Variants in ERBB4 observed in about 807,000 individuals in gnomAD.
ERBB4 encodes the protein receptor tyrosine-protein kinase erbB-4.
In ERBB4, 42 loss-of-function variants were observed where a neutral mutation model predicts 158.0. The ratio of observed to expected loss-of-function variants is 0.27; its 90% confidence interval spans 0.21 to 0.34. The LOEUF is 0.34. ERBB4 is among the 10% of genes least tolerant of loss of function. The probability of loss-of-function intolerance (pLI) is 1.00; values close to 1 mark genes in which losing one functional copy is unlikely to be tolerated. For synonymous variants in ERBB4, 583 were observed against 558.7 expected, an observed-to-expected ratio of 1.04 and a Z score of -0.61; for missense variants, 1,333 against 1,624.1, an observed-to-expected ratio of 0.82 and a Z score of 3.08.
At chr2:212,252,538 C>A (rs2084577558) in intron 1 of ERBB4, among the ~76,000 whole-genome samples, 1 of 151,916 alleles carries the variant, frequency 6.6e-6, no homozygotes, top group Non-Finnish European at 1.5e-5. Flanking sequence ...GGAGTGATTT[C>A]AAGAAAAGAT....
intron 20 of ERBB4, among the ~76,000 whole-genome samples, chr2:211,528,541 T>C (rs972762432): frequency 1.3e-5 from 2 of 152,024 alleles, no homozygotes; most frequent in African/African-American, 2.4e-5. Flanking sequence ...TTTAATCCAA[T>C]GGTTGCAGAA....
chr2:211,523,554 TCC>T (rs2066248244), intron 20 of ERBB4, among the ~76,000 whole-genome samples: 1 of 151,724 alleles, frequency 6.6e-6, no homozygotes, highest in Non-Finnish European at 1.5e-5. Flanking sequence ...GTTCGTGGTC[TCC>T]TAGGCTCAGG....
intron 1 of ERBB4, among the ~76,000 whole-genome samples, chr2:212,513,569 T>C (rs979868926): frequency 6.6e-6 from 1 of 152,158 alleles, no homozygotes; most frequent in Admixed American, 6.5e-5. Flanking sequence ...TCCCAGCACT[T>C]TGGGAGGCCG....
chr2:211,420,623 A>T lies in ERBB4; in HGVS notation c.2965-12T>A. On this transcript the variant is annotated splice_polypyrimidine_tract_variant and intron_variant, in intron 24 of 27. Transcript: ENST00000342788. ...ATACGATCATCACCCTAAAAGAAAGATTGCCCATCAGACACAAATATGATT... is the reference window on the plus strand; with the variant it reads ...ATACGATCATCACCCTAAAAGAAAGTTTGCCCATCAGACACAAATATGATT... The T allele has an allele frequency of 1.3e-6, 2 of 1,599,078 alleles. No homozygotes were observed. Among genetic ancestry groups the T allele is most frequent in the Non-Finnish European group, 1.7e-6 (2 of 1,171,176 alleles).
chr2:211,745,390 G>A (rs1244385094), intron 5 of ERBB4, among the ~76,000 whole-genome samples: 5 of 151,992 alleles, frequency 3.3e-5, no homozygotes, highest in African/African-American at 4.8e-5. Context: ...AAGTAATTTC[G>A]CTTTCAAGTA....
chr2:211,673,236 A>C lies in ERBB4; in HGVS notation c.1644T>G (p.Asn548Lys). The C allele has an allele frequency of 6.2e-7, 1 of 1,613,708 alleles. No individual in the cohort carries two copies. Among genetic ancestry groups the C allele is most frequent in the Non-Finnish European group, 8.5e-7 (1 of 1,179,664 alleles). ...LYDGEFREFE[N>K]GSICVECDPQ... ...GGTCACACTCCACACAGATGGAGCC[A>C]TTCTCAAACTCCCGAAATTCACTGT... The change falls in exon 14 of 28, where the codon AAT (asparagine) becomes AAG (lysine). Residue 548 changes from asparagine to lysine, a missense_variant. By Grantham distance (94) the Asn-to-Lys change is moderately conservative (BLOSUM62 0). Around this residue, in one of 5 missense-constraint regions of ERBB4, gnomAD observed 245 missense variants for 247.5 expected, o/e 0.99. Transcript: ENST00000342788.
intron 2 of ERBB4, among the ~76,000 whole-genome samples, chr2:212,006,768 GTCT>G (rs1449482938): frequency 1.3e-5 from 2 of 151,948 alleles, no homozygotes; most frequent in Admixed American, 6.6e-5. Flanking sequence ...TGTGACAATA[GTCT>G]TCTAGGCTTA....
At chr2:212,373,542 A>C (rs187120047) in intron 1 of ERBB4, among the ~76,000 whole-genome samples, 1 of 151,868 alleles carries the variant, frequency 6.6e-6, no homozygotes, top group African/African-American at 2.4e-5. Context: ...TGTTAAGCAA[A>C]GTAATTAATA....
At chr2:211,679,250 G>C in intron 12 of ERBB4, 66 bp from the exon 13 acceptor site, 1 of 1,565,778 alleles carries the variant, frequency 6.4e-7, no homozygotes. Flanking sequence ...AATCTTCCTA[G>C]GTAATGCTAT....
chr2:212,495,843 T>C (rs893534063), intron 1 of ERBB4, among the ~76,000 whole-genome samples: 1 of 152,200 alleles, frequency 6.6e-6, no homozygotes, highest in African/African-American at 2.4e-5. Context: ...AACGGTGTAA[T>C]ATGTAGTTAC....
At chr2:212,085,475 G>C (rs2078575541) in intron 2 of ERBB4, among the ~76,000 whole-genome samples, 1 of 151,766 alleles carries the variant, frequency 6.6e-6, no homozygotes, top group South Asian at 2.1e-4. Flanking sequence ...ACCTCTTTCT[G>C]CTTAACCCTG....
chr2:211,809,650 T>G (rs2076703184), intron 3 of ERBB4, among the ~76,000 whole-genome samples: 1 of 152,202 alleles, frequency 6.6e-6, no homozygotes, highest in South Asian at 2.1e-4. Flanking sequence ...GGTCCTGGAT[T>G]CACTGATTTT....
intron 2 of ERBB4, among the ~76,000 whole-genome samples, chr2:212,030,585 G>A (rs2076880149): frequency 6.6e-6 from 1 of 152,084 alleles, no homozygotes; most frequent in Non-Finnish European, 1.5e-5. Context: ...ATAGAAAAAT[G>A]TAAGAGAGAT....
chr2:211,579,804 G>A (rs1203885404), intron 19 of ERBB4, among the ~76,000 whole-genome samples: 1 of 152,018 alleles, frequency 6.6e-6, no homozygotes, highest in Non-Finnish European at 1.5e-5. Flanking sequence ...GTCAGGGGGT[G>A]GGGTTGGGGG....
rs112667362 is a variant in ERBB4 at position 212,411,419 on chromosome 2, G to A, written c.82+127030C>T. Among the ~76,000 whole-genome samples the A allele has an allele frequency of 2.0e-3, 303 of 152,168 alleles. 2 individuals carry two copies. The highest frequency in any genetic ancestry group is 6.8e-3 in the African/African-American group (284 of 41,488). ...GAAAAAATATTTTAACATATAAGGAGACTACATCAAAATAATCAATACACG... is the reference window on the plus strand; with the variant it reads ...GAAAAAATATTTTAACATATAAGGAAACTACATCAAAATAATCAATACACG... On this transcript the variant is annotated intron_variant, in intron 1 of 27. Transcript: ENST00000342788.
At chr2:212,461,133 C>T (rs372185420) in intron 1 of ERBB4, among the ~76,000 whole-genome samples, 2 of 152,314 alleles carry the variant, frequency 1.3e-5, no homozygotes, top group East Asian at 3.9e-4. Context: ...GTGGGAACCC[C>T]CCCTCCACAG....
chr2:211,520,705 C>T (rs978503684), intron 20 of ERBB4, among the ~76,000 whole-genome samples: 2 of 152,272 alleles, frequency 1.3e-5, no homozygotes, highest in Admixed American at 6.5e-5. Context: ...ACAGACATTG[C>T]ATTTTTTACA....
At chr2:211,898,004 T>A (rs2125023998) in intron 3 of ERBB4, among the ~76,000 whole-genome samples, 1 of 152,136 alleles carries the variant, frequency 6.6e-6, no homozygotes, top group South Asian at 2.1e-4. Context: ...GTTCAAGGGA[T>A]CCTCCTGTCT....
At chr2:211,578,946 C>T (rs570680810) in intron 19 of ERBB4, among the ~76,000 whole-genome samples, 1 of 152,104 alleles carries the variant, frequency 6.6e-6, no homozygotes, top group African/African-American at 2.4e-5. Flanking sequence ...CAAAGATTGA[C>T]AAATGGGATC....
Sources: gnomAD v4.1 joint callset for allele counts (sites outside exome capture counted in the v4.1 genomes callset) on GRCh38, gnomAD v4.1.1 for gene constraint, gnomAD v4.1.1 regional missense constraint, MANE v1.5 for transcripts, NCBI Gene and HGNC (gene_info 2026-07-23, HGNC 2026-07-21) for gene names.